The following TRAPPC12 variants were observed in gnomAD, a reference collection of about 807,000 sequenced individuals.
TRAPPC12 encodes trafficking protein particle complex subunit 12.
Under a neutral mutation model 69.2 loss-of-function variants are expected in TRAPPC12, and 61 were observed. The observed-to-expected ratio is 0.88, with a 90% CI of 0.72 to 1.09. The LOEUF (loss-of-function observed/expected upper bound fraction) is 1.09. TRAPPC12 is among the 50% of genes least tolerant of loss of function. The pLI is 0.00. For missense variants in TRAPPC12, 1,101 were observed against 1,016.4 expected (o/e 1.08, Z -1.13); for synonymous variants, 469 against 438.9 (o/e 1.07, Z -0.86).
chr2:3,390,099 C>G (rs545865969), intron 2 of TRAPPC12, among the ~76,000 whole-genome samples: 1 of 152,148 alleles, frequency 6.6e-6, no homozygotes, highest in Non-Finnish European at 1.5e-5. Context: ...CAGTCCCTTA[C>G]GTGGGTTTAT....
At chr2:3,400,070 C>G (rs188434371) in intron 2 of TRAPPC12, among the ~76,000 whole-genome samples, 291 of 152,332 alleles carry the variant, frequency 1.9e-3, no homozygotes, top group African/African-American at 6.8e-3. Context: ...TCTGCTCACC[C>G]GAGAGACTGC....
At chr2:3,476,931 G>C (rs1039930385) in intron 9 of TRAPPC12, among the ~76,000 whole-genome samples, 2 of 152,242 alleles carry the variant, frequency 1.3e-5, no homozygotes, top group Non-Finnish European at 2.9e-5. Flanking sequence ...CTTTACCCTC[G>C]TGAGCGCGGC....
chr2:3,453,391 G>A lies in TRAPPC12; in HGVS notation c.1531-4230G>A, dbSNP rs527683130. On this transcript the variant is annotated intron_variant, in intron 6 of 11. Transcript: ENST00000324266. ...CAACACCCGGCCCTTTCTGCCCCTC[G>A]GCCCCTGTGGTCACTCTGCCCTCCA... Among the ~76,000 whole-genome samples the A allele has an allele frequency of 7.2e-5, 11 of 152,250 alleles. No homozygotes were observed. The East Asian group carries it at 9.7e-4, about 13-fold the overall frequency.
intron 9 of TRAPPC12, 57 bp downstream of exon 9, chr2:3,465,752 G>C (rs1665779852): frequency 8.8e-7 from 1 of 1,136,998 alleles, no homozygotes; most frequent in Non-Finnish European, 1.3e-6. Flanking sequence ...TCTTTGCTCA[G>C]ATGGGCGACT....
At chr2:3,406,746 C>T (rs887202946) in intron 3 of TRAPPC12, among the ~76,000 whole-genome samples, 2 of 152,174 alleles carry the variant, frequency 1.3e-5, no homozygotes, top group African/African-American at 2.4e-5. Flanking sequence ...GAGGCAGGAA[C>T]TGAACTGGCA....
At chr2:3,469,417 C>T (rs981204440) in intron 9 of TRAPPC12, among the ~76,000 whole-genome samples, 12 of 152,290 alleles carry the variant, frequency 7.9e-5, no homozygotes, top group African/African-American at 2.2e-4. Flanking sequence ...TTAGAAAGTA[C>T]GGGACGAGGT....
chr2:3,386,998 T>A (rs1660524880), intron 1 of TRAPPC12, among the ~76,000 whole-genome samples: 1 of 152,176 alleles, frequency 6.6e-6, no homozygotes, highest in Admixed American at 6.5e-5. Context: ...AAAAATAGAA[T>A]TACCATATAA....
chr2:3,382,007 A>C (rs1266312852), intron 1 of TRAPPC12, among the ~76,000 whole-genome samples: 2 of 152,198 alleles, frequency 1.3e-5, no homozygotes, highest in Non-Finnish European at 2.9e-5. Context: ...ATCCAAACAT[A>C]ATTTATATGT....
intron 1 of TRAPPC12, among the ~76,000 whole-genome samples, chr2:3,385,955 G>A (rs145004843): frequency 9.2e-5 from 14 of 152,268 alleles, no homozygotes; most frequent in African/African-American, 2.9e-4. Context: ...TCGGGCTCCC[G>A]GTGAAACATG....
At chr2:3,398,252 A>T (rs1377539345) in intron 2 of TRAPPC12, among the ~76,000 whole-genome samples, 3 of 152,098 alleles carry the variant, frequency 2.0e-5, no homozygotes, top group African/African-American at 7.2e-5. Flanking sequence ...ATTCTGTGGT[A>T]ACTCTGTTCA....
intron 2 of TRAPPC12, among the ~76,000 whole-genome samples, chr2:3,393,990 G>GA (rs1175016472): frequency 1.3e-5 from 2 of 152,222 alleles, no homozygotes; most frequent in Non-Finnish European, 2.9e-5. Flanking sequence ...CATTAACAAA[G>GA]AAAGCCAAAG....
At chr2:3,464,461 C>T (rs1665697689) in intron 8 of TRAPPC12, among the ~76,000 whole-genome samples, 1 of 151,964 alleles carries the variant, frequency 6.6e-6, no homozygotes, top group African/African-American at 2.4e-5. Flanking sequence ...AACTCCAGTC[C>T]CAGTTTGGAG....
chr2:3,389,061 G>C (rs2103433659), intron 2 of TRAPPC12: 1 of 172,466 alleles, frequency 5.8e-6, no homozygotes, highest in East Asian at 1.6e-4. Context: ...AATTTTTATA[G>C]GTTGAATAAG....
At chr2:3,407,723 G>A (rs1400574237) in intron 3 of TRAPPC12, among the ~76,000 whole-genome samples, 1 of 151,896 alleles carries the variant, frequency 6.6e-6, no homozygotes, top group Non-Finnish European at 1.5e-5. Flanking sequence ...AATGGTCTGG[G>A]AGGCAGAGCT....
intron 3 of TRAPPC12, among the ~76,000 whole-genome samples, chr2:3,406,771 TA>T (rs1287792548): frequency 6.6e-6 from 1 of 152,230 alleles, no homozygotes; most frequent in Non-Finnish European, 1.5e-5. Context: ...GACAGGGCTT[TA>T]TAATAATGGG....
Position 3,478,894 on chromosome 2 carries a change from C to T in TRAPPC12, c.1926C>T (p.Phe642=). 1.2e-6 allele frequency: 2 copies of T among 1,614,208 alleles called. No homozygotes were observed. The highest frequency in any genetic ancestry group is 1.7e-6 in the Non-Finnish European group (2 of 1,180,048). Reference sequence around the variant, plus strand: ...ATAACTTTGCAGAAGCCCACAGGTTCTTCACAGAGATCTTAAGGATGGATC... The same window carrying T: ...ATAACTTTGCAGAAGCCCACAGGTTTTTCACAGAGATCTTAAGGATGGATC... ...GQNNFAEAHR[F]FTEILRMDPR... The change falls in exon 11 of 12, where the codon TTC becomes TTT. Residue 642 remains phenylalanine (F), a synonymous_variant. Transcript: ENST00000324266.
intron 8 of TRAPPC12, chr2:3,462,765 A>G (rs1346492084): frequency 5.2e-6 from 2 of 388,292 alleles, no homozygotes; most frequent in Admixed American, 3.0e-5. Context: ...CTGGCAGACC[A>G]TATGGATGCA....
In TRAPPC12 at chr2:3,463,730, G is replaced by A. The variant is rs114308611; in HGVS notation, c.1678-1867G>A. 8.4e-3 allele frequency among the ~76,000 whole-genome samples: 1,282 copies of A among 151,958 alleles called. 12 individuals are homozygous for A. Among genetic ancestry groups the A allele is most frequent in the African/African-American group, 0.03 (1,222 of 41,408 alleles). On this transcript the variant is annotated intron_variant, in intron 8 of 11. Coordinates refer to ENST00000324266, the MANE Select transcript of TRAPPC12 (RefSeq NM_016030.6). ...GTGGCCGCCTCAGCCTGGAGCATCA[G>A]TGGCGTGAGTGGGGCACTGGAATGA...
chr2:3,412,130 C>T (rs982789124), intron 3 of TRAPPC12, among the ~76,000 whole-genome samples: 1 of 152,052 alleles, frequency 6.6e-6, no homozygotes, highest in African/African-American at 2.4e-5. Context: ...TTTTTGCATG[C>T]CAAGTGCCAC....
Sources: gnomAD v4.1 joint callset for allele counts (sites outside exome capture counted in the v4.1 genomes callset) on GRCh38, gnomAD v4.1.1 for gene constraint, MANE v1.5 for transcripts, NCBI Gene and HGNC (gene_info 2026-07-23, HGNC 2026-07-21) for gene names.